Variants in PCDH15 observed in about 807,000 individuals in gnomAD.
PCDH15 encodes the protein protocadherin related 15, also known as protocadherin-15.
In PCDH15, 129 loss-of-function variants were observed where a neutral mutation model predicts 178.5. The ratio of observed to expected loss-of-function variants is 0.72; its 90% confidence interval spans 0.63 to 0.84. The LOEUF is 0.84. Ranked by LOEUF, PCDH15 falls within the 40% of genes least tolerant of loss-of-function variation. PCDH15 has a pLI of 0.00. For synonymous variants in PCDH15, 800 were observed against 732.0 expected (o/e 1.09, Z -1.50); for missense variants, 2,230 against 2,099.9 (o/e 1.06, Z -1.21).
intron 6 of PCDH15, among the ~76,000 whole-genome samples, chr10:54,335,071 A>G (rs1264963774): frequency 6.6e-6 from 1 of 152,058 alleles, no homozygotes; most frequent in Non-Finnish European, 1.5e-5. Flanking sequence ...TGAAAATTCT[A>G]TGTTATTGTC....
At chr10:54,914,088 G>T (rs1308300327) in intron 2 of PCDH15, among the ~76,000 whole-genome samples, 2 of 152,116 alleles carry the variant, frequency 1.3e-5, no homozygotes, top group Non-Finnish European at 2.9e-5. Flanking sequence ...ATTGTGTTTT[G>T]AAATGTGAGA....
chr10:54,159,888 C>T (rs1171864246), intron 13 of PCDH15, among the ~76,000 whole-genome samples: 1 of 152,096 alleles, frequency 6.6e-6, no homozygotes, highest in East Asian at 1.9e-4. Flanking sequence ...TTTTCTTCTT[C>T]ATAATTTCAT....
At chr10:54,327,455 T>C (rs1445227247) in intron 7 of PCDH15, among the ~76,000 whole-genome samples, 2 of 149,276 alleles carry the variant, frequency 1.3e-5, no homozygotes, top group African/African-American at 2.4e-5. Context: ...AATTATAATA[T>C]ATAAAATAAT....
At chr10:54,944,069 G>T (rs191233317) in intron 2 of PCDH15, among the ~76,000 whole-genome samples, 49 of 151,946 alleles carry the variant, frequency 3.2e-4, no homozygotes, top group African/African-American at 1.2e-3. Context: ...AGCCAATTAG[G>T]CCAAGACCCA....
At chr10:54,567,217 T>A (rs891558692) in intron 2 of PCDH15, among the ~76,000 whole-genome samples, 4 of 152,208 alleles carry the variant, frequency 2.6e-5, no homozygotes, top group African/African-American at 9.6e-5. Context: ...CAGATCTTTG[T>A]ATATTTTGCA....
In PCDH15 at chr10:53,886,595, C is replaced by CT. The variant is rs36171553; in HGVS notation, c.3501+16647dup. 8.0e-3 allele frequency among the ~76,000 whole-genome samples: 582 copies of CT among 72,800 alleles called. 29 individuals carry two copies. The highest frequency in any genetic ancestry group is 0.024 in the African/African-American group (396 of 16,630). The allele number at this position is 72,800 out of a possible 152,430, so 47.8% of individuals were successfully genotyped here. On this transcript the variant is annotated intron_variant, in intron 26 of 37. Transcript: ENST00000644397. ...TCGTTTCCTGCCCACATGTATGCCT[C>CT]TTTTTTTTTTTTTTTTTTTTTTTTT...
chr10:55,404,308 G>A (rs1040266720), intron 2 of PCDH15, among the ~76,000 whole-genome samples: 3 of 152,004 alleles, frequency 2.0e-5, no homozygotes, highest in Non-Finnish European at 2.9e-5. Flanking sequence ...CACCAGCAAA[G>A]TGACCACAGA....
chr10:54,716,959 A>G (rs989908322), intron 1 of PCDH15, among the ~76,000 whole-genome samples: 6 of 148,442 alleles, frequency 4.0e-5, no homozygotes, highest in South Asian at 4.2e-4. Context: ...AAGGCCGCAT[A>G]TCTACAACTA....
chr10:53,818,840 G>C (rs551351423), intron 33 of PCDH15, among the ~76,000 whole-genome samples: 7 of 152,002 alleles, frequency 4.6e-5, no homozygotes, highest in Admixed American at 4.6e-4. Flanking sequence ...ATTACAAAGA[G>C]GCACATGCAT....
At chr10:53,930,763 A>C (rs1016890207) in intron 25 of PCDH15, among the ~76,000 whole-genome samples, 1 of 152,040 alleles carries the variant, frequency 6.6e-6, no homozygotes, top group Non-Finnish European at 1.5e-5. Flanking sequence ...TCCCTACTAC[A>C]TAAACCCCCT....
At chr10:54,699,120 G>A (rs147536406) in intron 1 of PCDH15, among the ~76,000 whole-genome samples, 2 of 152,130 alleles carry the variant, frequency 1.3e-5, no homozygotes, top group Non-Finnish European at 2.9e-5. Flanking sequence ...AATCATAATG[G>A]CATTCTAACA....
At chr10:53,869,874 A>G (rs1318848667) in intron 26 of PCDH15, among the ~76,000 whole-genome samples, 3 of 152,196 alleles carry the variant, frequency 2.0e-5, no homozygotes, top group African/African-American at 4.8e-5. Flanking sequence ...CTAATCTAAC[A>G]TTGTTGATTA....
intron 2 of PCDH15, among the ~76,000 whole-genome samples, chr10:55,036,786 T>G (rs992868191): frequency 6.6e-6 from 1 of 152,182 alleles, no homozygotes; most frequent in African/African-American, 2.4e-5. Context: ...AACAATAAAC[T>G]TAAAAAACAA....
At chr10:54,656,351 G>T (rs575282935) in intron 2 of PCDH15, among the ~76,000 whole-genome samples, 1 of 152,170 alleles carries the variant, frequency 6.6e-6, no homozygotes, top group South Asian at 2.1e-4. Flanking sequence ...ATAGGTGGGG[G>T]TGCTTCTCTG....
chr10:54,680,075 G>C (rs79648864), intron 1 of PCDH15, among the ~76,000 whole-genome samples: 5,308 of 152,236 alleles, frequency 0.035, 312 homozygotes, highest in African/African-American at 0.12. Context: ...CTTCTTTACA[G>C]ATTTTGCTCA....
At chr10:54,678,538 T>G (rs2094834267) in intron 1 of PCDH15, among the ~76,000 whole-genome samples, 1 of 152,162 alleles carries the variant, frequency 6.6e-6, no homozygotes, top group Non-Finnish European at 1.5e-5. Context: ...TTAAGCATAT[T>G]ACTGCTAAAT....
At chr10:53,868,844 A>AT (rs1368057332) in intron 26 of PCDH15, among the ~76,000 whole-genome samples, 3 of 151,824 alleles carry the variant, frequency 2.0e-5, no homozygotes, top group Non-Finnish European at 4.4e-5. Flanking sequence ...TCTTTTCTTT[A>AT]TTTTTTTCTC....
intron 3 of PCDH15, among the ~76,000 whole-genome samples, chr10:54,855,587 A>G (rs1591745087): frequency 6.6e-6 from 1 of 152,218 alleles, no homozygotes; most frequent in Non-Finnish European, 1.5e-5. Flanking sequence ...TCTCAGATGA[A>G]TTCTAGTGAA....
chr10:55,544,131 T>TATAC (rs201643134), intron 2 of PCDH15, among the ~76,000 whole-genome samples: 16 of 80,084 alleles, frequency 2.0e-4, no homozygotes, highest in African/African-American at 3.7e-4. Flanking sequence ...CCTCAAATCT[T>TATAC]ATACATACAT....
Sources: gnomAD v4.1 joint callset for allele counts (sites outside exome capture counted in the v4.1 genomes callset) on GRCh38, gnomAD v4.1.1 for gene constraint, MANE v1.5 for transcripts, NCBI Gene and HGNC (gene_info 2026-07-23, HGNC 2026-07-21) for gene names.